Variants in LDB2 observed in about 807,000 individuals in gnomAD.
The protein encoded by LDB2 is LIM domain binding 2.
In LDB2, 12 loss-of-function variants were observed where a neutral mutation model predicts 44.3. The observed-to-expected ratio is 0.27, with a 90% confidence interval of 0.17 to 0.44. LDB2 has a LOEUF of 0.44. LDB2 is among the 20% of genes least tolerant of loss of function. LDB2 has a pLI of 1.00. For synonymous variants in LDB2, 164 were observed against 174.8 expected (o/e 0.94, Z 0.49); for missense variants, 344 against 473.5 (o/e 0.73, Z 2.54).
chr4:16,743,296 T>G (rs1400590096), intron 2 of LDB2, among the ~76,000 whole-genome samples: 1 of 151,680 alleles, frequency 6.6e-6, no homozygotes, highest in Non-Finnish European at 1.5e-5. Flanking sequence ...TCTCAAAAAA[T>G]ATGCTTGTCA....
Position 16,748,111 on chromosome 4 carries a change from A to G in LDB2, c.235+11047T>C, listed in dbSNP as rs373353885. Among the ~76,000 whole-genome samples, 4 of 152,192 alleles carry G rather than the reference A, an allele frequency of 2.6e-5. No individual in the cohort carries two copies. The South Asian group carries it at 6.2e-4, about 24-fold the overall frequency. ...GAGTAATGGTGCTGTGCTTCATTAA[A>G]TGGGAGGGGCTTTATCACCAGGCTC... On this transcript the variant is annotated intron_variant, in intron 2 of 7. Coordinates refer to ENST00000304523, the MANE Select transcript of LDB2 (RefSeq NM_001290.5).
intron 2 of LDB2, among the ~76,000 whole-genome samples, chr4:16,652,328 T>C (rs751454486): frequency 6.6e-6 from 1 of 152,168 alleles, no homozygotes; most frequent in Non-Finnish European, 1.5e-5. Flanking sequence ...AACTAAAAAA[T>C]CTTGATGAAA....
chr4:16,707,049 T>C (rs1560947645), intron 2 of LDB2, among the ~76,000 whole-genome samples: 1 of 152,160 alleles, frequency 6.6e-6, no homozygotes, highest in Admixed American at 6.5e-5. Flanking sequence ...AAACAAAATA[T>C]TCATCATTTT....
chr4:16,704,027 G>T (rs1754066761), intron 2 of LDB2, among the ~76,000 whole-genome samples: 1 of 152,052 alleles, frequency 6.6e-6, no homozygotes, highest in African/African-American at 2.4e-5. Context: ...TTCCCCAACT[G>T]GGTGACCCAT....
chr4:16,612,003 TAACA>T (rs751506297), intron 2 of LDB2, among the ~76,000 whole-genome samples: 28 of 152,066 alleles, frequency 1.8e-4, no homozygotes, highest in African/African-American at 5.6e-4. Flanking sequence ...ACGGAAATAA[TAACA>T]AACAGTCTCT....
At chr4:16,598,838 T>A (rs1721768298) in intron 2 of LDB2, among the ~76,000 whole-genome samples, 1 of 151,170 alleles carries the variant, frequency 6.6e-6, no homozygotes, top group South Asian at 2.1e-4. Flanking sequence ...CAGAGGTCAG[T>A]CTCACTTATG....
intron 1 of LDB2, among the ~76,000 whole-genome samples, chr4:16,869,305 T>TAA (rs33934693): frequency 0.053 from 7,336 of 138,976 alleles, 569 homozygotes; most frequent in African/African-American, 0.17. Context: ...GCAAAAGTCA[T>TAA]AAAAAAAAAA....
chr4:16,847,224 A>T (rs1435513978), intron 1 of LDB2, among the ~76,000 whole-genome samples: 1 of 152,198 alleles, frequency 6.6e-6, no homozygotes, highest in Admixed American at 6.5e-5. Context: ...AAATGAGACT[A>T]TCAACACCAA....
intron 2 of LDB2, among the ~76,000 whole-genome samples, chr4:16,647,231 G>A (rs1017700851): frequency 1.2e-4 from 19 of 152,186 alleles, no homozygotes; most frequent in African/African-American, 4.3e-4. Context: ...GGATGATTTT[G>A]TTTATATGAA....
chr4:16,588,957 T>G (rs1717953001), intron 3 of LDB2, 125 bp from the exon 4 acceptor site: 1 of 958,966 alleles, frequency 1.0e-6, no homozygotes. Flanking sequence ...TTGGTAAAGA[T>G]GTGACACGAG....
intron 2 of LDB2, among the ~76,000 whole-genome samples, chr4:16,600,105 G>A (rs80063905): frequency 0.024 from 3,677 of 152,106 alleles, 69 homozygotes; most frequent in Middle Eastern, 0.054. Flanking sequence ...CCATGCCACT[G>A]CATTGCACAG....
chr4:16,565,952 ACACAC>A (rs773089800), intron 5 of LDB2, among the ~76,000 whole-genome samples: 23 of 151,946 alleles, frequency 1.5e-4, no homozygotes, highest in Admixed American at 2.6e-4. Context: ...ATGACCACAC[ACACAC>A]ATGTATCTAT....
chr4:16,505,763 G>T, intron 7 of LDB2: 1 of 1,429,232 alleles, frequency 7.0e-7, no homozygotes. Context: ...TCTGCTCCTT[G>T]CTGGAAGCCC....
At chr4:16,815,415 T>C (rs1433123734) in intron 1 of LDB2, among the ~76,000 whole-genome samples, 2 of 152,168 alleles carry the variant, frequency 1.3e-5, no homozygotes, top group Admixed American at 6.5e-5. Flanking sequence ...TTCACTGGAG[T>C]CTTAATTACC....
chr4:16,793,587 A>G (rs2109638791), intron 1 of LDB2, among the ~76,000 whole-genome samples: 1 of 152,316 alleles, frequency 6.6e-6, no homozygotes, highest in African/African-American at 2.4e-5. Context: ...TATACATACA[A>G]AAAGCAGTGT....
intron 2 of LDB2, among the ~76,000 whole-genome samples, chr4:16,684,696 G>A (rs2152571852): frequency 6.6e-6 from 1 of 152,188 alleles, no homozygotes; most frequent in African/African-American, 2.4e-5. Flanking sequence ...TTGGACCTTT[G>A]GATTTTGGAT....
At chr4:16,755,420 G>A (rs943008464) in intron 2 of LDB2, among the ~76,000 whole-genome samples, 38 of 151,676 alleles carry the variant, frequency 2.5e-4, no homozygotes, top group African/African-American at 9.2e-4. Context: ...AGAAATGTGT[G>A]TGTTGATAAA....
intron 1 of LDB2, among the ~76,000 whole-genome samples, chr4:16,795,753 C>A (rs2109670030): frequency 6.6e-6 from 1 of 152,290 alleles, no homozygotes; most frequent in Non-Finnish European, 1.5e-5. Flanking sequence ...GTCTCCCCCA[C>A]CACCTTAACC....
At chr4:16,518,671 A>G (rs1056088722) in intron 5 of LDB2, among the ~76,000 whole-genome samples, 17 of 152,164 alleles carry the variant, frequency 1.1e-4, no homozygotes, top group African/African-American at 4.1e-4. Context: ...CTTGTCCTTC[A>G]CAGAAAGTTT....
Sources: gnomAD v4.1 joint callset for allele counts (sites outside exome capture counted in the v4.1 genomes callset) on GRCh38, gnomAD v4.1.1 for gene constraint, MANE v1.5 for transcripts, NCBI Gene and HGNC (gene_info 2026-07-23, HGNC 2026-07-21) for gene names.